Variants in UBL7 observed in about 807,000 individuals in gnomAD.
UBL7 encodes ubiquitin like 7.
Under a neutral mutation model 41.7 loss-of-function variants are expected in UBL7, and 21 were observed. That is an observed-to-expected ratio of 0.50 (90% CI 0.36 to 0.73). The LOEUF (loss-of-function observed/expected upper bound fraction) is 0.73. Among genes scored for constraint, UBL7 ranks in the 30% least tolerant of loss-of-function variants. UBL7 has a pLI of 0.00. For synonymous variants in UBL7, 157 were observed against 186.9 expected (o/e 0.84, Z 1.31); for missense variants, 403 against 478.4 (o/e 0.84, Z 1.47).
At chr15:74,448,894 C>G (rs1184337169) in intron 9 of UBL7, among the ~76,000 whole-genome samples, 1 of 152,158 alleles carries the variant, frequency 6.6e-6, no homozygotes, top group African/African-American at 2.4e-5. Context: ...AATGCTTAAG[C>G]TGGTGATGTC....
At chr15:74,457,399 C>T (rs2061304801) in intron 2 of UBL7, among the ~76,000 whole-genome samples, 2 of 152,082 alleles carry the variant, frequency 1.3e-5, no homozygotes, top group African/African-American at 2.4e-5. Flanking sequence ...AAAAATTAGC[C>T]AGGCATGGTG....
chr15:74,450,750 G>A, intron 6 of UBL7, 52 bp downstream of exon 6: 1 of 1,597,420 alleles, frequency 6.3e-7, no homozygotes, highest in Non-Finnish European at 8.6e-7. Context: ...TAGGCTTCTG[G>A]CCTGAGCACG....
Position 74,451,285 on chromosome 15 carries a change from G to C in UBL7, c.472+151C>G, listed in dbSNP as rs529625400. 4.4e-4 allele frequency: 305 copies of C among 693,634 alleles called. 2 individuals are homozygous for C. The highest frequency in any genetic ancestry group is 2.2e-3 in the Middle Eastern group (9 of 4,042). 43.0% of individuals were successfully genotyped at this position (693,634 alleles called of 1,614,324 possible). A position where few individuals can be genotyped will look rare whatever the true frequency, so the allele number is the denominator to read the frequency against. ...GGGACTGAGAGCTCTTAAAGGGCTG[G>C]GGATATCAAACACACCTTGATTACT... On this transcript the variant is annotated intron_variant, in intron 5 of 10. Coordinates refer to ENST00000395081, the MANE Select transcript of UBL7 (RefSeq NM_032907.5).
intron 10 of UBL7, among the ~76,000 whole-genome samples, chr15:74,447,057 G>C (rs560588163): frequency 6.6e-6 from 1 of 152,278 alleles, no homozygotes; most frequent in East Asian, 1.9e-4. Context: ...TACAGGCCAG[G>C]TGGAACCAGT....
At chr15:74,454,183 AC>A (rs1312147356) in intron 3 of UBL7, among the ~76,000 whole-genome samples, 17 of 152,198 alleles carry the variant, frequency 1.1e-4, no homozygotes, top group South Asian at 6.2e-4. Flanking sequence ...GCTGTTACCT[AC>A]CCTGCAGGGC....
chr15:74,460,936 C>T (rs1247121485), intron 1 of UBL7, 101 bp downstream of exon 1: 4 of 1,148,660 alleles, frequency 3.5e-6, no homozygotes, highest in Non-Finnish European at 4.3e-6. Flanking sequence ...AGGCATTAGC[C>T]ACATTTTAAA....
At chr15:74,459,969 C>T (rs948941394) in intron 1 of UBL7, among the ~76,000 whole-genome samples, 3 of 133,426 alleles carry the variant, frequency 2.2e-5, no homozygotes, top group South Asian at 2.4e-4. Context: ...AAGCCAGACG[C>T]GGTGGCTCAC....
intron 6 of UBL7, 48 bp from the exon 7 acceptor site, chr15:74,450,117 C>T (rs1400728528): frequency 6.4e-7 from 1 of 1,555,518 alleles, no homozygotes; most frequent in African/African-American, 1.4e-5. Context: ...AAAAGAGCAC[C>T]CTCAGCCATA....
Position 74,449,212 on chromosome 15 carries a change from A to C in UBL7, c.856T>G (p.Ser286Ala). Residue 286 changes from serine (S) to alanine (A), a missense_variant, in exon 9 of 11, where the codon TCT (serine) becomes GCT (alanine). Coordinates refer to ENST00000395081, the MANE Select transcript of UBL7 (RefSeq NM_032907.5). ...LALASTPESS[S>A]HTPTPGTQGH... ...TGGGTGCCAGGAGTCGGTGTGTGAG[A>C]GCTGCTCTCCGGAGTGCTGGCCAGG... 6.3e-7 allele frequency: 1 copy of C among 1,577,552 alleles called. No homozygotes were observed. Among genetic ancestry groups the C allele is most frequent in the Non-Finnish European group, 8.6e-7 (1 of 1,165,042 alleles).
chr15:74,448,289 G>A (rs914760967), intron 10 of UBL7, among the ~76,000 whole-genome samples, 189 bp downstream of exon 10: 1 of 152,232 alleles, frequency 6.6e-6, no homozygotes, highest in Non-Finnish European at 1.5e-5. Flanking sequence ...GAGAAGCCTA[G>A]TGACCACTGT....
At chr15:74,448,672 A>T (rs1167543688) in intron 9 of UBL7, 72 bp from the exon 10 acceptor site, 3 of 1,591,728 alleles carry the variant, frequency 1.9e-6, no homozygotes, top group Non-Finnish European at 1.7e-6. Context: ...CGCTGTTGTC[A>T]TATCACCTCA....
chr15:74,456,775 G>A (rs2141325214), intron 2 of UBL7, 104 bp from the exon 3 acceptor site: 3 of 1,284,956 alleles, frequency 2.3e-6, no homozygotes, highest in South Asian at 2.9e-5. Flanking sequence ...AATGATACAT[G>A]TTTTAAAAGA....
chr15:74,457,215 T>C (rs900554032), intron 2 of UBL7, among the ~76,000 whole-genome samples: 2 of 152,314 alleles, frequency 1.3e-5, no homozygotes, highest in African/African-American at 4.8e-5. Flanking sequence ...CCCAGCACTT[T>C]TGGAGCCTGG....
At chr15:74,459,621 C>T (rs1397031970) in intron 1 of UBL7, among the ~76,000 whole-genome samples, 1 of 151,668 alleles carries the variant, frequency 6.6e-6, no homozygotes, top group African/African-American at 2.4e-5. Flanking sequence ...CTGGCCACAA[C>T]CCATCATTCT....
chr15:74,454,032 AAC>A (rs1157864371), intron 3 of UBL7, among the ~76,000 whole-genome samples: 1 of 152,226 alleles, frequency 6.6e-6, no homozygotes, highest in Admixed American at 6.5e-5. Context: ...TTAGAAGTGG[AAC>A]GCAGCCAGCC....
At chr15:74,451,672 T>C (rs185741550) in intron 4 of UBL7, 152 bp from the exon 5 acceptor site, 13 of 553,746 alleles carry the variant, frequency 2.3e-5, no homozygotes, top group Non-Finnish European at 3.8e-5. Flanking sequence ...AACCTCTTTT[T>C]GCTCTAAGAT....
rs2061178915 is a variant in UBL7 at position 74,446,005 on chromosome 15, A to G, written c.*85T>C. ...AGTTGACCATCAGGTATATTGGGGA[A>G]GGGAGAGATGGAGGCACCTTCATGA... On this transcript the variant is annotated 3_prime_UTR_variant, in exon 11 of 11. Transcript: ENST00000395081. This position sits in a 1 kb window ranked among gnomAD's most constrained non-coding sequence, Gnocchi z 4.1. 1.4e-5 allele frequency: 21 copies of G among 1,531,288 alleles called. No homozygotes were observed. The highest frequency in any genetic ancestry group is 5.8e-5 in the Admixed American group (3 of 52,066). The allele number at this position is 1,531,288 out of a possible 1,614,324, so 94.9% of individuals were successfully genotyped here.
intron 8 of UBL7, 102 bp downstream of exon 8, chr15:74,449,524 C>A: frequency 6.3e-7 from 1 of 1,583,028 alleles, no homozygotes. Flanking sequence ...TGGCGTATGT[C>A]CATCTCCCAG....
At chr15:74,457,642 C>G (rs1355141068) in intron 2 of UBL7, among the ~76,000 whole-genome samples, 2 of 147,148 alleles carry the variant, frequency 1.4e-5, no homozygotes, top group Non-Finnish European at 3.0e-5. Context: ...GAGGCTGAGG[C>G]AGGAAAATTG....
Sources: gnomAD v4.1 joint callset for allele counts (sites outside exome capture counted in the v4.1 genomes callset) on GRCh38, gnomAD v4.1.1 for gene constraint, Gnocchi (gnomAD v3.1) non-coding constraint, MANE v1.5 for transcripts, NCBI Gene and HGNC (gene_info 2026-07-23, HGNC 2026-07-21) for gene names.